COBLL1: variants seen among roughly 807,000 people sequenced by gnomAD.
The protein encoded by COBLL1 is cordon-bleu protein-like 1.
COBLL1 carries 50 observed loss-of-function variants against 94.8 expected under a neutral mutation model. That is an observed-to-expected ratio of 0.53 (90% CI 0.42 to 0.67). The LOEUF (loss-of-function observed/expected upper bound fraction) is 0.67, where lower values mean the gene tolerates loss of function less well. Among genes scored for constraint, COBLL1 ranks in the 30% least tolerant of loss-of-function variants. The probability of loss-of-function intolerance (pLI) is 0.00; values close to 1 mark genes in which losing one functional copy is unlikely to be tolerated. For missense variants in COBLL1, 1,362 were observed against 1,348.7 expected (o/e 1.01, Z -0.15); for synonymous variants, 448 against 473.8 (o/e 0.95, Z 0.71).
chr2:164,784,711 G>A (rs56310348), intron 2 of COBLL1, among the ~76,000 whole-genome samples: 2,345 of 152,122 alleles, frequency 0.015, 27 homozygotes, highest in South Asian at 0.028. Context: ...GCAAAAAAGT[G>A]CTATATGATA....
chr2:164,841,263 C>G lies in COBLL1; in HGVS notation c.-50-17G>C, dbSNP rs1358077223. 4 of 1,223,378 alleles carry G rather than the reference C, an allele frequency of 3.3e-6. No individual in the cohort carries two copies. The highest frequency in any genetic ancestry group is 3.1e-6 in the Non-Finnish European group (3 of 982,818). The allele number at this position is 1,223,378 out of a possible 1,614,324, so 75.8% of individuals were successfully genotyped here. On this transcript the variant is annotated splice_polypyrimidine_tract_variant and intron_variant, in intron 1 of 13. Coordinates refer to ENST00000652658, the MANE Select transcript of COBLL1 (RefSeq NM_001365672.2). The surrounding 1 kb of genome is among the most constrained non-coding windows in gnomAD (Gnocchi z 5.5). The stretch of plus-strand genomic sequence containing the variant: ...GCGTCACTGCTGGGGTGGGAGAGGC[C>G]GGCGGGTCAGGGCGGGACGCGCGCC...
rs775641016 is a variant in COBLL1, at chr2:164,730,549, C to A, written c.231-434G>T. Among the ~76,000 whole-genome samples the A allele has an allele frequency of 1.3e-3, 194 of 151,734 alleles. 1 individual carries two copies. The highest frequency in any genetic ancestry group is 4.3e-4 in the Non-Finnish European group (29 of 67,896). On this transcript the variant is annotated intron_variant, in intron 3 of 13. Transcript: ENST00000652658. ...CAACAACAACAACAAAAATAATCTC[C>A]AAAAAAATTGAACTACAAGATATTT...
intron 2 of COBLL1, among the ~76,000 whole-genome samples, chr2:164,770,508 T>C (rs1315817135): frequency 3.9e-5 from 6 of 152,148 alleles, no homozygotes; most frequent in Non-Finnish European, 1.5e-5. Context: ...AATACCCATA[T>C]TCTGAAAAGT....
chr2:164,826,720 A>G (rs1365224934), intron 2 of COBLL1, among the ~76,000 whole-genome samples: 1 of 152,154 alleles, frequency 6.6e-6, no homozygotes, highest in Non-Finnish European at 1.5e-5. Context: ...GTTTTATTTG[A>G]AACCAAAACT....
chr2:164,725,970 G>A (rs1405529777), intron 5 of COBLL1, among the ~76,000 whole-genome samples: 4 of 152,108 alleles, frequency 2.6e-5, no homozygotes, highest in African/African-American at 9.7e-5. Context: ...AAAATAAGGA[G>A]GCAAGGGTAG....
chr2:164,826,642 T>C (rs1213291840), intron 2 of COBLL1, among the ~76,000 whole-genome samples: 2 of 152,164 alleles, frequency 1.3e-5, no homozygotes, highest in Admixed American at 1.3e-4. Flanking sequence ...GAGGTCCAGG[T>C]CCTGTCTCCA....
chr2:164,777,900 C>A (rs550530526), intron 2 of COBLL1, among the ~76,000 whole-genome samples: 1 of 152,302 alleles, frequency 6.6e-6, no homozygotes, highest in Admixed American at 6.5e-5. Context: ...CATAAGAACT[C>A]TGAATTTTTA....
At chr2:164,706,408 A>C (rs1321342116) in intron 7 of COBLL1, among the ~76,000 whole-genome samples, 2 of 152,140 alleles carry the variant, frequency 1.3e-5, no homozygotes, top group Non-Finnish European at 2.9e-5. Context: ...CATTCCATTT[A>C]GTATCTCTGC....
intron 2 of COBLL1, chr2:164,800,558 G>A: frequency 4.3e-6 from 3 of 701,740 alleles, no homozygotes; most frequent in East Asian, 2.7e-5. Flanking sequence ...CTCTCTCCTA[G>A]GCAGCATAAA....
chr2:164,805,323 CTCTCTCTCTCTCTCTA>C (rs776833764), intron 2 of COBLL1, among the ~76,000 whole-genome samples: 487 of 33,608 alleles, frequency 0.014, 9 homozygotes, highest in East Asian at 0.14. Flanking sequence ...CTCTCTCTCT[CTCTCTCTCTCTCTCTA>C]TATATATATA....
intron 2 of COBLL1, among the ~76,000 whole-genome samples, chr2:164,796,186 A>G (rs1683445801): frequency 6.6e-6 from 1 of 152,232 alleles, no homozygotes; most frequent in African/African-American, 2.4e-5. Flanking sequence ...CTCCTGAAAA[A>G]AAGAGTCATA....
intron 9 of COBLL1, chr2:164,703,291 C>A: frequency 1.1e-6 from 1 of 924,800 alleles, no homozygotes; most frequent in Non-Finnish European, 1.7e-6. Context: ...GACCAAGAAG[C>A]ATTTTGGAAG....
intron 2 of COBLL1, among the ~76,000 whole-genome samples, chr2:164,783,587 T>A (rs1688811128): frequency 1.3e-5 from 2 of 152,114 alleles, no homozygotes; most frequent in African/African-American, 4.8e-5. Context: ...TCCTCCTCCA[T>A]CCCAGACATT....
intron 2 of COBLL1, among the ~76,000 whole-genome samples, chr2:164,748,323 C>T (rs538934897): frequency 2.0e-5 from 3 of 152,194 alleles, no homozygotes; most frequent in African/African-American, 7.2e-5. Context: ...TTGAAAATAT[C>T]TTTTACCTAC....
chr2:164,810,010 AC>A (rs1326931552), intron 2 of COBLL1, among the ~76,000 whole-genome samples: 4 of 151,830 alleles, frequency 2.6e-5, no homozygotes, highest in Non-Finnish European at 5.9e-5. Flanking sequence ...AGAAAATTTT[AC>A]TTTAGAAAAA....
rs931885145 is a variant in COBLL1 at position 164,704,967 on chromosome 2, T to C, written c.1135A>G (p.Asn379Asp). ...SKIPPHQSDE[N>D]SRVTALQPVD... ...ACCACATTACCAGTCACACGACTAT[T>C]TTCATCACTTTGATGCGGGGGTATT... Residue 379 changes from asparagine (N) to aspartate (D), a missense_variant, in exon 8 of 14, where the codon AAT (asparagine) becomes GAT (aspartate). By Grantham distance (23) the Asn-to-Asp change is conservative. Coordinates refer to ENST00000652658, the MANE Select transcript of COBLL1 (RefSeq NM_001365672.2). 2 of 1,586,594 alleles carry C rather than the reference T, an allele frequency of 1.3e-6. No individual in the cohort carries two copies. The highest frequency in any genetic ancestry group is 2.7e-5 in the African/African-American group (2 of 73,450).
chr2:164,699,135 C>T (rs189339255), intron 11 of COBLL1, among the ~76,000 whole-genome samples: 1 of 152,034 alleles, frequency 6.6e-6, no homozygotes, highest in Non-Finnish European at 1.5e-5. Context: ...GTTAAGGGCA[C>T]ACTCTAGAGC....
Position 164,795,158 on chromosome 2 carries a change from C to T in COBLL1, c.41+45998G>A, listed in dbSNP as rs553069018. On this transcript the variant is annotated intron_variant, in intron 2 of 13. Coordinates refer to ENST00000652658, the MANE Select transcript of COBLL1 (RefSeq NM_001365672.2). ...CCCTAAATGTCTCTTTAAAGGTACT[C>T]CTTTATAATTATGTTCTAAAGGAGA... Among the ~76,000 whole-genome samples, 574 of 152,132 alleles carry T rather than the reference C, an allele frequency of 3.8e-3. 3 individuals carry two copies. The highest frequency in any genetic ancestry group is 6.3e-3 in the Non-Finnish European group (429 of 68,010).
intron 2 of COBLL1, among the ~76,000 whole-genome samples, chr2:164,798,440 G>C (rs374699857): frequency 1.1e-4 from 16 of 152,248 alleles, no homozygotes; most frequent in African/African-American, 3.8e-4. Context: ...TTGTCACAAA[G>C]AGATTACTCT....
Sources: allele counts gnomAD v4.1 joint callset (sites outside exome capture counted in the v4.1 genomes callset), GRCh38; gene constraint gnomAD v4.1.1; non-coding constraint Gnocchi (gnomAD v3.1); transcripts MANE v1.5; gene names NCBI Gene and HGNC (gene_info 2026-07-23, HGNC 2026-07-21).